Variants in MBNL2 observed in about 807,000 individuals in gnomAD.
The protein encoded by MBNL2 is muscleblind-like protein 2.
In MBNL2, 17 loss-of-function variants were observed where a neutral mutation model predicts 41.9. That is an observed-to-expected ratio of 0.41 (90% CI 0.28 to 0.61). MBNL2 has a LOEUF of 0.61. MBNL2 is among the 20% of genes least tolerant of loss of function. MBNL2 has a pLI of 0.35. For synonymous variants in MBNL2, 195 were observed against 182.9 expected, an observed-to-expected ratio of 1.07 and a Z score of -0.53; for missense variants, 336 against 505.6, an observed-to-expected ratio of 0.66 and a Z score of 3.22.
At chr13:97,233,666 G>A (rs2042786595) in intron 1 of MBNL2, among the ~76,000 whole-genome samples, 1 of 150,820 alleles carries the variant, frequency 6.6e-6, no homozygotes, top group African/African-American at 2.5e-5. Flanking sequence ...TATCTCTAGA[G>A]TTTCCCTGTT....
chr13:97,282,341 C>T (rs2053600568), intron 2 of MBNL2, among the ~76,000 whole-genome samples: 2 of 151,938 alleles, frequency 1.3e-5, no homozygotes, highest in Non-Finnish European at 2.9e-5. Flanking sequence ...GGGGACACAG[C>T]AAGACTTCAT....
the MBNL2 span, among the ~76,000 whole-genome samples, chr13:97,176,135 T>C: frequency 6.6e-6 from 1 of 152,112 alleles, no homozygotes; most frequent in Non-Finnish European, 1.5e-5. Context: ...TAGCTCGAGT[T>C]AAATCTCAGC....
At chr13:97,261,419 ATG>A in intron 1 of MBNL2, among the ~76,000 whole-genome samples, 1 of 152,220 alleles carries the variant, frequency 6.6e-6, no homozygotes, top group East Asian at 1.9e-4. Flanking sequence ...CGTCACCTCC[ATG>A]TGTACTAGCC....
chr13:97,390,132 A>G (rs1045290066), intron 8 of MBNL2, among the ~76,000 whole-genome samples: 1 of 152,304 alleles, frequency 6.6e-6, no homozygotes, highest in East Asian at 1.9e-4. Flanking sequence ...TCCATTTACT[A>G]TAAATATTTA....
At chr13:97,187,893 T>C in the MBNL2 span, among the ~76,000 whole-genome samples, 4 of 139,656 alleles carry the variant, frequency 2.9e-5, no homozygotes, top group Admixed American at 7.7e-5. Flanking sequence ...TGGGCGACAG[T>C]GAGACTTCGT....
chr13:97,375,909 C>T (rs2064923060), intron 8 of MBNL2, among the ~76,000 whole-genome samples: 2 of 151,946 alleles, frequency 1.3e-5, no homozygotes, highest in African/African-American at 2.4e-5. Flanking sequence ...GTGGGAGACA[C>T]CAGGGAGCGT....
At chr13:97,354,004 A>AT (rs1193075482) in intron 5 of MBNL2, among the ~76,000 whole-genome samples, 1 of 145,550 alleles carries the variant, frequency 6.9e-6, no homozygotes, top group African/African-American at 2.6e-5. Context: ...ACTTGGTTCG[A>AT]TTACCTTGAT....
intron 2 of MBNL2, among the ~76,000 whole-genome samples, chr13:97,287,942 T>TTG (rs1555310230): frequency 8.4e-5 from 12 of 142,924 alleles, no homozygotes; most frequent in Admixed American, 6.2e-4. Flanking sequence ...TTGTTTTGTT[T>TTG]TTTTTTTTTT....
intron 3 of MBNL2, among the ~76,000 whole-genome samples, chr13:97,342,773 T>C (rs1473348041): frequency 6.6e-6 from 1 of 152,202 alleles, no homozygotes; most frequent in Admixed American, 6.5e-5. Context: ...AACACTTTCA[T>C]AGGGACAAAA....
chr13:97,349,764 C>T (rs2062261684), intron 5 of MBNL2, among the ~76,000 whole-genome samples: 1 of 152,176 alleles, frequency 6.6e-6, no homozygotes, highest in South Asian at 2.1e-4. Flanking sequence ...ACAGGTCACT[C>T]TCTTCTTTCC....
intron 8 of MBNL2, among the ~76,000 whole-genome samples, chr13:97,387,751 T>C (rs2066045537): frequency 6.6e-6 from 1 of 152,228 alleles, no homozygotes; most frequent in Non-Finnish European, 1.5e-5. Flanking sequence ...CACGTCATCT[T>C]TTCCATGTCT....
At chr13:97,217,782 G>A (rs899779479), upstream of MBNL2, among the ~76,000 whole-genome samples, 4 of 152,118 alleles carry the variant, frequency 2.6e-5, no homozygotes, top group African/African-American at 9.7e-5. Flanking sequence ...GATGATTTTG[G>A]CTGAGGTGTG....
chr13:97,379,072 G>A (rs557099832), intron 8 of MBNL2, among the ~76,000 whole-genome samples: 2 of 152,228 alleles, frequency 1.3e-5, no homozygotes, highest in African/African-American at 4.8e-5. Context: ...GTGTAGGCTT[G>A]GGATGAACCT....
chr13:97,237,333 T>A (rs571786690), intron 1 of MBNL2, among the ~76,000 whole-genome samples: 36 of 152,362 alleles, frequency 2.4e-4, no homozygotes, highest in African/African-American at 7.7e-4. Flanking sequence ...CCAGGGCAAA[T>A]GTGTTCTCCT....
chr13:97,217,003 T>C (rs921697880), upstream of MBNL2, among the ~76,000 whole-genome samples: 1 of 148,536 alleles, frequency 6.7e-6, no homozygotes, highest in African/African-American at 2.5e-5. Flanking sequence ...GTAATACATA[T>C]TATAGAATAT....
chr13:97,303,170 G>A (rs756130679), intron 2 of MBNL2, among the ~76,000 whole-genome samples: 1 of 152,206 alleles, frequency 6.6e-6, no homozygotes, highest in African/African-American at 2.4e-5. Context: ...TGAAGGACAT[G>A]TGGGCAGGCT....
At chr13:97,325,525 G>A (rs1173650432) in intron 2 of MBNL2, among the ~76,000 whole-genome samples, 1 of 152,160 alleles carries the variant, frequency 6.6e-6, no homozygotes, top group Non-Finnish European at 1.5e-5. Flanking sequence ...GAACCAAGGA[G>A]TTTGAGACCA....
chr13:97,194,622 C>T, the MBNL2 span, among the ~76,000 whole-genome samples: 5 of 152,136 alleles, frequency 3.3e-5, no homozygotes, highest in Non-Finnish European at 7.3e-5. Flanking sequence ...TGAGATAGGT[C>T]AGCAGGGCTG....
chr13:97,319,210 C>T (rs1443473964), intron 2 of MBNL2, among the ~76,000 whole-genome samples: 2 of 150,740 alleles, frequency 1.3e-5, no homozygotes, highest in Non-Finnish European at 3.0e-5. Context: ...TAGCATAAGA[C>T]GTGGGACACC....
Sources: allele counts gnomAD v4.1 joint callset (sites outside exome capture counted in the v4.1 genomes callset), GRCh38; gene constraint gnomAD v4.1.1; transcripts MANE v1.5; gene names NCBI Gene and HGNC (gene_info 2026-07-23, HGNC 2026-07-21).